CD163L1: variants seen among roughly 807,000 people sequenced by gnomAD.
CD163L1 encodes the protein scavenger receptor cysteine-rich type 1 protein M160.
In CD163L1, 124 loss-of-function variants were observed where a neutral mutation model predicts 165.4. That is an observed-to-expected ratio of 0.75 (90% CI 0.65 to 0.87). The LOEUF is 0.87. Among genes scored for constraint, CD163L1 ranks in the 40% least tolerant of loss-of-function variants. The probability of loss-of-function intolerance (pLI) is 0.00; values close to 1 mark genes in which losing one functional copy is unlikely to be tolerated. For synonymous variants in CD163L1, 585 were observed against 662.2 expected (o/e 0.88, Z 1.79); for missense variants, 1,525 against 1,799.9 (o/e 0.85, Z 2.76).
chr12:7,375,150 CTT>C, intron 11 of CD163L1, 129 bp downstream of exon 11: 3 of 928,302 alleles, frequency 3.2e-6, no homozygotes, highest in Non-Finnish European at 4.9e-6. Context: ...ACATGTTACT[CTT>C]TGACTGTCAT....
At chr12:7,378,301 C>T (rs1012527714) in intron 9 of CD163L1, among the ~76,000 whole-genome samples, 2 of 152,012 alleles carry the variant, frequency 1.3e-5, no homozygotes, top group African/African-American at 2.4e-5. Flanking sequence ...GCATGACTCC[C>T]GGCATCCAAT....
intron 8 of CD163L1, among the ~76,000 whole-genome samples, chr12:7,381,303 G>A (rs1025854979): frequency 1.3e-5 from 2 of 152,070 alleles, no homozygotes; most frequent in Admixed American, 6.5e-5. Flanking sequence ...GTGGTCTAGA[G>A]GACCTGGAAA....
At position 7,369,301 on chromosome 12, in the gene CD163L1, A is replaced by G; in HGVS notation, c.4039+56T>C. On this transcript the variant is annotated intron_variant, in intron 15 of 19. Coordinates refer to ENST00000313599, the MANE Select transcript of CD163L1 (RefSeq NM_174941.6). The surrounding 1 kb of genome is among the most constrained non-coding windows in gnomAD (Gnocchi z 4.9). The stretch of plus-strand genomic sequence containing the variant: ...AACTCTCTGAGTGAGCCTGTTTCCC[A>G]GTGTTCTCTACCATTAGTGGGAGGC... 6.5e-7 allele frequency: 1 copy of G among 1,538,102 alleles called. No homozygotes were observed. The highest frequency in any genetic ancestry group is 8.9e-7 in the Non-Finnish European group (1 of 1,124,128).
At chr12:7,393,821 T>C (rs1459503294) in intron 8 of CD163L1, among the ~76,000 whole-genome samples, 1 of 152,148 alleles carries the variant, frequency 6.6e-6, no homozygotes, top group Non-Finnish European at 1.5e-5. Context: ...CCATTCACAT[T>C]TGCTACAAAG....
intron 4 of CD163L1, among the ~76,000 whole-genome samples, chr12:7,411,834 T>C (rs1948143424): frequency 6.6e-6 from 1 of 152,244 alleles, no homozygotes; most frequent in Non-Finnish European, 1.5e-5. Flanking sequence ...GAAACATCTA[T>C]ATATTCTTGG....
Position 7,398,676 on chromosome 12 carries a change from T to G in CD163L1, c.1409-92A>C, listed in dbSNP as rs1947835743. 2 of 1,109,498 alleles carry G rather than the reference T, an allele frequency of 1.8e-6. No homozygotes were observed. Among genetic ancestry groups the G allele is most frequent in the African/African-American group, 3.1e-5 (2 of 63,684 alleles). 68.7% of individuals were successfully genotyped at this position (1,109,498 alleles called of 1,614,324 possible). On this transcript the variant is annotated intron_variant, in intron 6 of 19. Coordinates refer to ENST00000313599, the MANE Select transcript of CD163L1 (RefSeq NM_174941.6). The surrounding 1 kb of genome is among the most constrained non-coding windows in gnomAD (Gnocchi z 4.5). ...CTCTCTAAATTCACGACTATAAGGC[T>G]TTGCCTAACAGGTGATATATTAGGC...
intron 4 of CD163L1, among the ~76,000 whole-genome samples, 159 bp from the exon 5 acceptor site, chr12:7,407,011 T>C (rs1279251549): frequency 1.3e-5 from 2 of 152,220 alleles, no homozygotes; most frequent in African/African-American, 4.8e-5. Context: ...TTTAATGTAA[T>C]AGAATCTATC....
chr12:7,327,452 C>T, the CD163L1 span, among the ~76,000 whole-genome samples: 5 of 152,280 alleles, frequency 3.3e-5, no homozygotes, highest in African/African-American at 4.8e-5. Context: ...CCTAATACCC[C>T]TATAAATTCA....
At chr12:7,443,397 T>C (rs1192350770) in intron 1 of CD163L1, among the ~76,000 whole-genome samples, 1 of 152,216 alleles carries the variant, frequency 6.6e-6, no homozygotes, top group African/African-American at 2.4e-5. Flanking sequence ...TGATTCTTTA[T>C]TTCCACGAAA....
chr12:7,439,653 C>T, intron 2 of CD163L1: 1 of 1,612,584 alleles, frequency 6.2e-7, no homozygotes, highest in Non-Finnish European at 8.5e-7. Context: ...TGGCTTTGTT[C>T]TCTGCAATTT....
chr12:7,359,733 T>C (rs1386036635), intron 18 of CD163L1, among the ~76,000 whole-genome samples: 1 of 152,186 alleles, frequency 6.6e-6, no homozygotes, highest in East Asian at 1.9e-4. Flanking sequence ...TTTTTACTCT[T>C]ATTTGATCTA....
At chr12:7,438,001 T>C (rs1404141344) in intron 2 of CD163L1, among the ~76,000 whole-genome samples, 1 of 152,166 alleles carries the variant, frequency 6.6e-6, no homozygotes, top group Non-Finnish European at 1.5e-5. Flanking sequence ...CTTGTACTTT[T>C]ACATGCATAA....
At chr12:7,423,898 G>T (rs1948487398) in intron 4 of CD163L1, among the ~76,000 whole-genome samples, 1 of 151,806 alleles carries the variant, frequency 6.6e-6, no homozygotes. Context: ...TCTGCCAGAG[G>T]TACAAAGAGG....
intron 8 of CD163L1, among the ~76,000 whole-genome samples, chr12:7,382,825 G>A (rs1033612736): frequency 6.6e-6 from 1 of 152,148 alleles, no homozygotes; most frequent in Admixed American, 6.5e-5. Context: ...CATGTCTAGA[G>A]CCCCACTGAT....
chr12:7,338,146 C>T, the CD163L1 span, among the ~76,000 whole-genome samples: 1 of 151,968 alleles, frequency 6.6e-6, no homozygotes, highest in Non-Finnish European at 1.5e-5. Context: ...AGGGGAATGT[C>T]ACACACTGGG....
chr12:7,357,330 G>C, intron 19 of CD163L1, 50 bp downstream of exon 19: 1 of 1,187,722 alleles, frequency 8.4e-7, no homozygotes, highest in Non-Finnish European at 1.3e-6. Context: ...TTCTGCGACA[G>C]TGGGAGATTA....
At chr12:7,363,190 T>C (rs1158747148) in intron 18 of CD163L1, among the ~76,000 whole-genome samples, 2 of 151,972 alleles carry the variant, frequency 1.3e-5, no homozygotes, top group Non-Finnish European at 2.9e-5. Flanking sequence ...GTGCCTGTAA[T>C]CCTAGCTGCT....
At chr12:7,443,379 T>A (rs1948854113) in intron 1 of CD163L1, among the ~76,000 whole-genome samples, 1 of 152,160 alleles carries the variant, frequency 6.6e-6, no homozygotes, top group African/African-American at 2.4e-5. Context: ...AGCAAAAACC[T>A]CCCTTCGTGA....
rs372472151 is a variant in CD163L1, at chr12:7,375,540, C to T, written c.2742G>A (p.Glu914=). The part of the protein sequence containing the change: ...NGKSQCDGQV[E]INVLGHWGSL... The stretch of plus-strand genomic sequence containing the variant: ...AGCCCCAGTGTCCAAGCACGTTGAT[C>T]TCCACTTGCCCGTCACACTGGGATT... The change falls in exon 11 of 20, where the codon GAG becomes GAA. Residue 914 remains glutamate, a synonymous_variant. Coordinates refer to ENST00000313599, the MANE Select transcript of CD163L1 (RefSeq NM_174941.6). 5.0e-6 allele frequency: 8 copies of T among 1,613,862 alleles called. No homozygotes were observed. The East Asian group carries it at 1.3e-4, about 27-fold the overall frequency.
Sources: gnomAD v4.1 joint callset for allele counts (sites outside exome capture counted in the v4.1 genomes callset) on GRCh38, gnomAD v4.1.1 for gene constraint, Gnocchi (gnomAD v3.1) non-coding constraint, MANE v1.5 for transcripts, NCBI Gene and HGNC (gene_info 2026-07-23, HGNC 2026-07-21) for gene names.